The following ZFHX3 variants were observed in gnomAD, a reference collection of about 807,000 sequenced individuals.
ZFHX3 encodes the protein zinc finger homeobox 3.
In ZFHX3, 42 loss-of-function variants were observed where a neutral mutation model predicts 279.1. The ratio of observed to expected loss-of-function variants is 0.15; its 90% CI spans 0.12 to 0.19. The LOEUF (loss-of-function observed/expected upper bound fraction) is 0.19. Among genes scored for constraint, ZFHX3 ranks in the 10% least tolerant of loss-of-function variants. The pLI, the probability that ZFHX3 is intolerant of heterozygous loss-of-function variation, is 1.00. For synonymous variants in ZFHX3, 2,293 were observed against 1,957.8 expected, an observed-to-expected ratio of 1.17 and a Z score of -4.52; for missense variants, 4,981 against 4,754.0, an observed-to-expected ratio of 1.05 and a Z score of -1.40.
rs1361259698 is a variant in ZFHX3 at position 72,786,100 on chromosome 16, G to A, written c.*1064C>T. On this transcript the variant is annotated 3_prime_UTR_variant, in exon 10 of 10. Coordinates refer to ENST00000268489, the MANE Select transcript of ZFHX3 (RefSeq NM_006885.4). ...AAGTGGAATTAAGGGACAAGAAAGA[G>A]AAAGTGGAATTAAGGGACAAGGGGA... 6.6e-6 allele frequency: 1 copy of A among 152,100 alleles called. No individual in the cohort carries two copies. The highest frequency in any genetic ancestry group is 1.5e-5 in the Non-Finnish European group (1 of 68,030). 9.4% of individuals were successfully genotyped at this position (152,100 alleles called of 1,614,324 possible). A position where few individuals can be genotyped will look rare whatever the true frequency, so the allele number is the denominator to read the frequency against.
chr16:73,839,350 AAAAAAAAAAAAAAAAAG>A (rs1961236073), intron 1 of ZFHX3, among the ~76,000 whole-genome samples: 1 of 139,808 alleles, frequency 7.2e-6, no homozygotes, highest in Middle Eastern at 3.6e-3. Context: ...AAAAAAAAAA[AAAAAAAAAAAAAAAAAG>A]TTAGGTCTGC....
At chr16:73,672,903 A>G (rs1029948175) in intron 2 of ZFHX3, among the ~76,000 whole-genome samples, 1 of 152,202 alleles carries the variant, frequency 6.6e-6, no homozygotes, top group African/African-American at 2.4e-5. Context: ...TTTAAATTTA[A>G]TTGATAGATT....
At chr16:73,103,177 C>T (rs555581115) in intron 7 of ZFHX3, among the ~76,000 whole-genome samples, 3 of 152,130 alleles carry the variant, frequency 2.0e-5, no homozygotes, top group Non-Finnish European at 4.4e-5. Flanking sequence ...CACCCGCTTC[C>T]GCCTCCCAAA....
At chr16:73,406,134 G>T (rs536517335) in intron 3 of ZFHX3, among the ~76,000 whole-genome samples, 1 of 152,240 alleles carries the variant, frequency 6.6e-6, no homozygotes, top group Non-Finnish European at 1.5e-5. Context: ...AGATGCCTGC[G>T]CATCAGCTGC....
intron 2 of ZFHX3, among the ~76,000 whole-genome samples, chr16:73,656,655 TTAAAG>T (rs2052723765): frequency 6.6e-6 from 1 of 152,192 alleles, no homozygotes; most frequent in Non-Finnish European, 1.5e-5. Context: ...AATTTTTCAC[TTAAAG>T]TAAAACACAA....
chr16:73,402,974 G>A (rs1048898827), intron 3 of ZFHX3, among the ~76,000 whole-genome samples: 2 of 152,042 alleles, frequency 1.3e-5, no homozygotes, highest in African/African-American at 4.8e-5. Context: ...AATAGAGAGA[G>A]CTAACACCAG....
intron 3 of ZFHX3, among the ~76,000 whole-genome samples, chr16:73,427,414 C>A (rs1433042474): frequency 6.6e-6 from 1 of 152,116 alleles, no homozygotes; most frequent in Admixed American, 6.6e-5. Flanking sequence ...GTGTGTGTAT[C>A]GGCAGCCTGC....
At position 73,743,037 on chromosome 16, in the gene ZFHX3, A is replaced by G. The variant is rs189070164; in HGVS notation, c.-1607-62797T>C. ...CTTCAGAGATAACCAGAGGTTATTC[A>G]GTGCAGTTATTCATACAGACTTGTT... is the stretch of plus-strand genomic sequence containing the variant. On this transcript the variant is annotated intron_variant, in intron 1 of 17. Coordinates refer to the ZFHX3 transcript ENST00000641206. 3.9e-5 allele frequency among the ~76,000 whole-genome samples: 6 copies of G among 152,360 alleles called. No homozygotes were observed. In the East Asian group the frequency reaches 1.2e-3, roughly 29 times the overall value.
At chr16:73,061,911 T>C (rs1965689080), upstream of ZFHX3, 2 of 152,202 alleles carry the variant, frequency 1.3e-5, no homozygotes, top group South Asian at 4.1e-4. Flanking sequence ...ATTCTGGATA[T>C]AAATGTATTT....
At chr16:73,613,437 G>GT (rs2052266918) in intron 2 of ZFHX3, among the ~76,000 whole-genome samples, 2 of 91,452 alleles carry the variant, frequency 2.2e-5, no homozygotes, top group Non-Finnish European at 5.6e-5. Flanking sequence ...CTTAGCTTTT[G>GT]CTTTTTTTGT....
At chr16:73,138,991 T>C (rs1344982981) in intron 6 of ZFHX3, among the ~76,000 whole-genome samples, 2 of 152,202 alleles carry the variant, frequency 1.3e-5, no homozygotes, top group African/African-American at 4.8e-5. Flanking sequence ...GTGCCCTGCC[T>C]GGTCATTGCC....
chr16:73,012,321 A>G (rs1448146454), intron 1 of ZFHX3, among the ~76,000 whole-genome samples: 1 of 152,244 alleles, frequency 6.6e-6, no homozygotes, highest in Non-Finnish European at 1.5e-5. Flanking sequence ...GAACCATCAG[A>G]GACAAATTTT....
intron 3 of ZFHX3, among the ~76,000 whole-genome samples, chr16:73,339,046 G>A (rs1263553678): frequency 1.3e-5 from 2 of 152,186 alleles, no homozygotes; most frequent in African/African-American, 4.8e-5. Context: ...TATGCTTCAT[G>A]TACAGCCTGC....
chr16:73,631,404 T>G (rs1380773722), intron 2 of ZFHX3, among the ~76,000 whole-genome samples: 1 of 152,212 alleles, frequency 6.6e-6, no homozygotes, highest in Non-Finnish European at 1.5e-5. Flanking sequence ...TTTTATAACT[T>G]AAAATATTTA....
chr16:73,224,922 T>C (rs2090699194), intron 5 of ZFHX3, among the ~76,000 whole-genome samples: 2 of 152,132 alleles, frequency 1.3e-5, no homozygotes, highest in South Asian at 4.2e-4. Context: ...AAGCTTAAGC[T>C]GGTTTTCCTA....
At chr16:73,168,281 A>ATTTCTTTCTTTCTTTCTTTCTTTCTT (rs1567408240) in intron 5 of ZFHX3, among the ~76,000 whole-genome samples, 3 of 28,642 alleles carry the variant, frequency 1.0e-4, no homozygotes, top group Admixed American at 3.6e-4. Flanking sequence ...CTTTCTTTCG[A>ATTTCTTTCTTTCTTTCTTTCTTTCTT]GACAAAGTCT....
intron 1 of ZFHX3, among the ~76,000 whole-genome samples, chr16:73,004,159 CTTTTTTTTTTTTTTT>C (rs3081625): frequency 2.0e-5 from 1 of 49,372 alleles, no homozygotes; most frequent in Admixed American, 3.3e-4. Flanking sequence ...AAAAACACGA[CTTTTTTTTTTTTTTT>C]TTTTTTTTTT....
chr16:72,838,024 T>C (rs566797971), intron 4 of ZFHX3, among the ~76,000 whole-genome samples: 2 of 152,328 alleles, frequency 1.3e-5, no homozygotes, highest in South Asian at 2.1e-4. Context: ...TCTGGACAGC[T>C]TGAAAGGTGG....
At chr16:73,649,637 A>G (rs2052652470) in intron 2 of ZFHX3, among the ~76,000 whole-genome samples, 1 of 152,170 alleles carries the variant, frequency 6.6e-6, no homozygotes, top group African/African-American at 2.4e-5. Flanking sequence ...ACTTACAGAG[A>G]GTTTGGGTCA....
Sources: gnomAD v4.1 joint callset for allele counts (sites outside exome capture counted in the v4.1 genomes callset) on GRCh38, gnomAD v4.1.1 for gene constraint, MANE v1.5 for transcripts, NCBI Gene and HGNC (gene_info 2026-07-23, HGNC 2026-07-21) for gene names.